HMCN1: variants seen among roughly 807,000 people sequenced by gnomAD.
The protein encoded by HMCN1 is hemicentin-1.
A neutral mutation model predicts 625.9 loss-of-function variants in HMCN1; 321 were observed. That is an observed-to-expected ratio of 0.51 (90% CI 0.47 to 0.56). The LOEUF is 0.56. HMCN1 is among the 20% of genes least tolerant of loss of function. HMCN1 has a pLI of 0.00. For missense variants in HMCN1, 6,588 were observed against 6,887.3 expected, an observed-to-expected ratio of 0.96 and a Z score of 1.54; for synonymous variants, 2,425 against 2,417.6, an observed-to-expected ratio of 1.00 and a Z score of -0.09.
At chr1:186,140,692 G>A (rs1649901402) in intron 89 of HMCN1, among the ~76,000 whole-genome samples, 2 of 152,082 alleles carry the variant, frequency 1.3e-5, no homozygotes, top group South Asian at 2.1e-4. Context: ...GCTTGAATCA[G>A]TTATTACTAT....
intron 33 of HMCN1, among the ~76,000 whole-genome samples, chr1:186,017,552 T>C (rs1238393783): frequency 1.3e-5 from 2 of 151,990 alleles, no homozygotes; most frequent in Non-Finnish European, 2.9e-5. Flanking sequence ...CAAGTCACTA[T>C]GGGATATGCA....
rs778108597 is a variant in HMCN1 at position 186,053,876 on chromosome 1, G to A, written c.6752G>A (p.Gly2251Asp). 6.2e-7 allele frequency: 1 copy of A among 1,612,698 alleles called. No individual in the cohort carries two copies. Among genetic ancestry groups the A allele is most frequent in the Non-Finnish European group, 8.5e-7 (1 of 1,179,186 alleles). Residue 2251 changes from glycine (G) to aspartate (D), a missense_variant, in exon 44 of 107, where the codon GGC becomes GAC. Physicochemically the swap from Gly to Asp is moderately conservative, Grantham distance 94. Coordinates refer to ENST00000271588, the MANE Select transcript of HMCN1 (RefSeq NM_031935.3). ...GGGCGAGTTAGAATTTTATCTGGGG[G>A]CAGGCAATTACAAATTTCAATTGCT... ...SMGRVRILSG[G>D]RQLQISIAEK...
chr1:186,093,503 G>A lies in HMCN1; in HGVS notation c.10030G>A (p.Gly3344Ser). 1 of 1,613,046 alleles carries A rather than the reference G, an allele frequency of 6.2e-7. No homozygotes were observed. Among genetic ancestry groups the A allele is most frequent in the South Asian group, 1.1e-5 (1 of 91,060 alleles). Residue 3344 changes from glycine to serine, a missense_variant, in exon 66 of 107, where the codon GGT (glycine) becomes AGT (serine). This residue lies in a region of HMCN1 where 4,628 missense variants were observed against 4,853.1 expected (regional missense o/e 0.95). Coordinates refer to ENST00000271588, the MANE Select transcript of HMCN1 (RefSeq NM_031935.3). ...LNVYVTPTIR[G>S]NKDEAEKLMT... ...CAACATAGTTACACCTACAATTAGG[G>A]GTAATAAAGATGAAGCAGAGAAACT...
At chr1:185,757,035 C>T (rs1263593873) in intron 1 of HMCN1, among the ~76,000 whole-genome samples, 7 of 152,090 alleles carry the variant, frequency 4.6e-5, no homozygotes, top group East Asian at 1.9e-4. Context: ...AGCACAATGG[C>T]GCAATCTCGG....
Position 185,776,442 on chromosome 1 carries a change from T to TTGTG in HMCN1, c.268+41427_268+41430dup, listed in dbSNP as rs57003461. Reference sequence around the variant, plus strand: ...AAGTATTAACAATAATTGTATAGGGTTGTGTGTGTGTGTGTGTGTGTGTGT... The same window carrying TTGTG: ...AAGTATTAACAATAATTGTATAGGGTTGTGTGTGTGTGTGTGTGTGTGTGTGTGT... On this transcript the variant is annotated intron_variant, in intron 1 of 106. Coordinates refer to ENST00000271588, the MANE Select transcript of HMCN1 (RefSeq NM_031935.3). Among the ~76,000 whole-genome samples the TTGTG allele has an allele frequency of 7.0e-3, 1,029 of 147,088 alleles. 12 individuals are homozygous for TTGTG. The highest frequency in any genetic ancestry group is 0.021 in the African/African-American group (846 of 40,178).
At position 186,189,570 on chromosome 1, in the gene HMCN1, T is replaced by A; in HGVS notation, c.16600T>A (p.Leu5534Met). Residue 5534 changes from leucine (L) to methionine (M), a missense_variant, in exon 107 of 107, where the codon TTG becomes ATG. By Grantham distance (15) the Leu-to-Met change is conservative. Transcript: ENST00000271588. ...GGAATGTGCCTTGAGCCCATATGCC[T>A]TGGAATACAAACTCGTCTCCCTCCC... ...DLECALSPYA[L>M]EYKLVSLPFG... 1 of 1,613,774 alleles carries A rather than the reference T, an allele frequency of 6.2e-7. No homozygotes were observed. Among genetic ancestry groups the A allele is most frequent in the Non-Finnish European group, 8.5e-7 (1 of 1,179,822 alleles).
chr1:185,833,544 G>C (rs1661000856), intron 1 of HMCN1, among the ~76,000 whole-genome samples: 1 of 152,070 alleles, frequency 6.6e-6, no homozygotes, highest in Non-Finnish European at 1.5e-5. Flanking sequence ...AGTCTTCATT[G>C]ATAACTTCTT....
At chr1:185,983,166 G>A (rs74134256) in intron 18 of HMCN1, among the ~76,000 whole-genome samples, 4 of 151,406 alleles carry the variant, frequency 2.6e-5, no homozygotes, top group South Asian at 4.2e-4. Flanking sequence ...ATTGTTTTTC[G>A]GTGTAAAATT....
chr1:186,009,266 C>T (rs1371354820), intron 30 of HMCN1, among the ~76,000 whole-genome samples: 2 of 152,110 alleles, frequency 1.3e-5, no homozygotes, highest in Non-Finnish European at 2.9e-5. Context: ...ATTTTAGATC[C>T]TCTTGTTCAC....
intron 72 of HMCN1, among the ~76,000 whole-genome samples, chr1:186,113,413 T>C (rs1660980579): frequency 6.6e-6 from 1 of 152,208 alleles, no homozygotes; most frequent in Admixed American, 6.5e-5. Context: ...CAAAACAATC[T>C]ATTGGATATT....
intron 83 of HMCN1, among the ~76,000 whole-genome samples, chr1:186,128,657 A>T (rs1661770523): frequency 6.6e-6 from 1 of 151,994 alleles, no homozygotes; most frequent in Non-Finnish European, 1.5e-5. Context: ...AGTCCTAAAG[A>T]TTCACTTAAT....
At chr1:186,130,175 T>C (rs1661856822) in intron 84 of HMCN1, 75 bp downstream of exon 84, 3 of 1,587,542 alleles carry the variant, frequency 1.9e-6, no homozygotes, top group South Asian at 1.1e-5. Context: ...CTTTATTTTA[T>C]GGTAATAAAA....
intron 105 of HMCN1, 78 bp downstream of exon 105, chr1:186,182,365 A>C (rs1296159945): frequency 1.4e-5 from 22 of 1,536,658 alleles, no homozygotes; most frequent in Non-Finnish European, 2.0e-5. Context: ...TTTTTTCAAT[A>C]ATCATTCTCC....
At chr1:186,021,852 A>G (rs538790271) in intron 35 of HMCN1, among the ~76,000 whole-genome samples, 3 of 152,190 alleles carry the variant, frequency 2.0e-5, no homozygotes, top group African/African-American at 7.2e-5. Context: ...AGATAGATTA[A>G]CAGCTGGGGA....
chr1:186,069,788 A>G lies in HMCN1; in HGVS notation c.7993+12A>G, dbSNP rs1658371638. On this transcript the variant is annotated intron_variant, in intron 51 of 106. Transcript: ENST00000271588. The stretch of plus-strand genomic sequence containing the variant: ...AGTGAAGGTGTACAGTAAGTTCTGA[A>G]AGAATACTATGTTTCATAGCTTCCC... 1 of 1,553,150 alleles carries G rather than the reference A, an allele frequency of 6.4e-7. No homozygotes were observed. Among genetic ancestry groups the G allele is most frequent in the African/African-American group, 1.4e-5 (1 of 73,728 alleles).
chr1:185,782,859 G>A lies in HMCN1; in HGVS notation c.268+47812G>A, dbSNP rs139648757. On this transcript the variant is annotated intron_variant, in intron 1 of 106. Transcript: ENST00000271588. ...TCTTCTTGAGGAGTATCTTTGTGGC[G>A]TTCTCTGTATTTCCTGAATTTGAAT... Among the ~76,000 whole-genome samples, 231 of 151,834 alleles carry A rather than the reference G, an allele frequency of 1.5e-3. 1 individual carries two copies. The highest frequency in any genetic ancestry group is 6.0e-3 in the East Asian group (31 of 5,164).
intron 2 of HMCN1, among the ~76,000 whole-genome samples, chr1:185,863,395 A>G (rs1013039196): frequency 1.9e-4 from 29 of 152,330 alleles, no homozygotes; most frequent in African/African-American, 7.0e-4. Context: ...CCTTGGCCCT[A>G]TAGTTATTGC....
At position 186,070,732 on chromosome 1, in the gene HMCN1, C is replaced by A; in HGVS notation, c.8114C>A (p.Ser2705Tyr). Residue 2705 changes from serine to tyrosine, a missense_variant, in exon 52 of 107, where the codon TCC becomes TAC. Ser to Tyr is a moderately radical substitution (Grantham distance 144). Coordinates refer to ENST00000271588, the MANE Select transcript of HMCN1 (RefSeq NM_031935.3). ...GAAGCGTATGCAATTCCTTCTGCCT[C>A]CCTCAGCTGGTACAAGGATGGACAG... Reference protein sequence around the residue: ...ECEAYAIPSASLSWYKDGQPL... With the variant: ...ECEAYAIPSAYLSWYKDGQPL... The A allele has an allele frequency of 6.2e-7, 1 of 1,613,864 alleles. No homozygotes were observed. The highest frequency in any genetic ancestry group is 8.5e-7 in the Non-Finnish European group (1 of 1,179,844).
At position 185,888,766 on chromosome 1, in the gene HMCN1, G is replaced by A. The variant is rs953181523; in HGVS notation, c.622-20571G>A. On this transcript the variant is annotated intron_variant, in intron 4 of 106. Coordinates refer to ENST00000271588, the MANE Select transcript of HMCN1 (RefSeq NM_031935.3). ...GTGATGCCTCCAGCTTTGTTCTTTT[G>A]GCTTAGGATTGACTTGGCGATGCGG... Among the ~76,000 whole-genome samples the A allele has an allele frequency of 4.1e-5, 6 of 145,324 alleles. 1 individual carries two copies. Among genetic ancestry groups the A allele is most frequent in the African/African-American group, 8.4e-5 (3 of 35,896 alleles).
Sources: allele counts gnomAD v4.1 joint callset (sites outside exome capture counted in the v4.1 genomes callset), GRCh38; gene constraint gnomAD v4.1.1; regional missense constraint gnomAD v4.1.1; transcripts MANE v1.5; gene names NCBI Gene and HGNC (gene_info 2026-07-23, HGNC 2026-07-21).